CTNND2: variants seen among roughly 807,000 people sequenced by gnomAD.
CTNND2 encodes the protein catenin delta-2.
In CTNND2, 22 loss-of-function variants were observed where a neutral mutation model predicts 144.4. The ratio of observed to expected loss-of-function variants is 0.15; its 90% CI spans 0.11 to 0.22. The LOEUF (loss-of-function observed/expected upper bound fraction) is 0.22, where lower values mean the gene tolerates loss of function less well. Among genes scored for constraint, CTNND2 ranks in the 10% least tolerant of loss-of-function variants. The pLI is 1.00. For missense variants in CTNND2, 1,353 were observed against 1,618.8 expected, an observed-to-expected ratio of 0.84 and a Z score of 2.82; for synonymous variants, 751 against 695.6, an observed-to-expected ratio of 1.08 and a Z score of -1.25.
intron 10 of CTNND2, among the ~76,000 whole-genome samples, chr5:11,219,164 G>A (rs543335080): frequency 2.6e-5 from 4 of 152,274 alleles, no homozygotes; most frequent in East Asian, 1.9e-4. Context: ...CAGATCTCTC[G>A]CTAGAAGTGG....
chr5:11,127,145 G>A (rs1754760165), intron 12 of CTNND2, among the ~76,000 whole-genome samples: 1 of 152,220 alleles, frequency 6.6e-6, no homozygotes. Flanking sequence ...TTTTTACTAA[G>A]CCTGGCATCC....
rs563188998 is a variant in CTNND2, at chr5:11,007,720, C to T, written c.3084+10254G>A. On this transcript the variant is annotated intron_variant, in intron 18 of 21. Coordinates refer to ENST00000304623, the MANE Select transcript of CTNND2 (RefSeq NM_001332.4). ...GTAATTACTGTGGAAGTATTTCCAA[C>T]GAAATGACAGCACTGTGGGATCTCC... is the stretch of plus-strand genomic sequence containing the variant. 8.5e-5 allele frequency among the ~76,000 whole-genome samples: 13 copies of T among 152,298 alleles called. No homozygotes were observed. In the South Asian group the frequency reaches 1.5e-3, roughly 17 times the overall value.
chr5:11,384,526 C>G lies in CTNND2; in HGVS notation c.1177+139G>C. ...GATACTGACTTGTTCCAGGAAAGCC[C>G]TGGCGTTCTCTGTCTCCTGCAACTA... On this transcript the variant is annotated intron_variant, in intron 7 of 21. Coordinates refer to ENST00000304623, the MANE Select transcript of CTNND2 (RefSeq NM_001332.4). This position sits in a 1 kb window ranked among gnomAD's most constrained non-coding sequence, Gnocchi z 5.2. 2 of 715,940 alleles carry G rather than the reference C, an allele frequency of 2.8e-6. No homozygotes were observed. Among genetic ancestry groups the G allele is most frequent in the Non-Finnish European group, 4.5e-6 (2 of 443,104 alleles). The allele number at this position is 715,940 out of a possible 1,614,324, so 44.3% of individuals were successfully genotyped here. A position where few individuals can be genotyped will look rare whatever the true frequency, so the allele number is the denominator to read the frequency against.
chr5:11,457,949 G>A (rs1410161902), intron 3 of CTNND2, among the ~76,000 whole-genome samples: 1 of 152,080 alleles, frequency 6.6e-6, no homozygotes, highest in African/African-American at 2.4e-5. Context: ...ACTTGCATGG[G>A]CTCTGAAGTC....
chr5:11,822,704 G>T (rs945057431), intron 1 of CTNND2, among the ~76,000 whole-genome samples: 1 of 152,140 alleles, frequency 6.6e-6, no homozygotes, highest in Non-Finnish European at 1.5e-5. Flanking sequence ...GACCAGCATG[G>T]CAAGGAAATG....
intron 11 of CTNND2, among the ~76,000 whole-genome samples, chr5:11,161,590 A>G (rs566272908): frequency 2.0e-5 from 3 of 152,362 alleles, no homozygotes; most frequent in African/African-American, 7.2e-5. Flanking sequence ...GTTAATTTTT[A>G]GAGTAAAATA....
intron 3 of CTNND2, among the ~76,000 whole-genome samples, chr5:11,414,053 T>G (rs751276736): frequency 1.1e-4 from 17 of 152,016 alleles, no homozygotes; most frequent in Non-Finnish European, 2.5e-4. Context: ...GGGCCCTAAA[T>G]CCAATTACAC....
chr5:11,196,631 C>A (rs371783878), intron 11 of CTNND2, among the ~76,000 whole-genome samples: 1 of 152,238 alleles, frequency 6.6e-6, no homozygotes, highest in African/African-American at 2.4e-5. Context: ...GTGAAGCCAG[C>A]CTTTCTTCTT....
At chr5:11,199,810 G>A in intron 10 of CTNND2, 149 bp from the exon 11 acceptor site, 1 of 615,914 alleles carries the variant, frequency 1.6e-6, no homozygotes, top group Non-Finnish European at 2.8e-6. Context: ...AAAAATAAGT[G>A]TTTGCTTTAT....
Position 11,876,041 on chromosome 5 carries a change from A to C in CTNND2, c.37+27776T>G, listed in dbSNP as rs187375268. Among the ~76,000 whole-genome samples the C allele has an allele frequency of 3.9e-5, 6 of 152,328 alleles. No homozygotes were observed. The East Asian group carries it at 1.2e-3, about 29-fold the overall frequency. On this transcript the variant is annotated intron_variant, in intron 1 of 21. Coordinates refer to ENST00000304623, the MANE Select transcript of CTNND2 (RefSeq NM_001332.4). ...ATTTTGTAACAGCTATAGCATGACTAAGTAACATTACTAAATGACTCCCAT... is the reference window on the plus strand; with the variant it reads ...ATTTTGTAACAGCTATAGCATGACTCAGTAACATTACTAAATGACTCCCAT...
intron 3 of CTNND2, among the ~76,000 whole-genome samples, chr5:11,421,409 C>T (rs567337062): frequency 1.3e-5 from 2 of 152,266 alleles, no homozygotes; most frequent in African/African-American, 2.4e-5. Flanking sequence ...CTCTGCTTGA[C>T]GCTTACTTTT....
At chr5:11,763,798 C>A (rs7710966) in intron 1 of CTNND2, among the ~76,000 whole-genome samples, 11,592 of 152,076 alleles carry the variant, frequency 0.076, 1,174 homozygotes, top group African/African-American at 0.23. Flanking sequence ...TGATCAGTAG[C>A]TGGTTTCCCT....
At chr5:11,496,367 T>G (rs986880507) in intron 3 of CTNND2, among the ~76,000 whole-genome samples, 2 of 152,180 alleles carry the variant, frequency 1.3e-5, no homozygotes, top group Non-Finnish European at 2.9e-5. Context: ...ACTGAGAACA[T>G]GTTTGGCTTC....
chr5:11,438,686 G>T (rs776694172), intron 3 of CTNND2, among the ~76,000 whole-genome samples: 1 of 152,188 alleles, frequency 6.6e-6, no homozygotes, highest in Non-Finnish European at 1.5e-5. Context: ...AGATTAACAC[G>T]TTCTCTGAAT....
At chr5:11,181,684 T>C (rs1734979681) in intron 11 of CTNND2, among the ~76,000 whole-genome samples, 1 of 151,142 alleles carries the variant, frequency 6.6e-6, no homozygotes, top group Admixed American at 6.6e-5. Flanking sequence ...TGTGTGTGTC[T>C]GTGTGGTGTG....
At chr5:11,686,008 C>T (rs373159020) in intron 2 of CTNND2, among the ~76,000 whole-genome samples, 1 of 152,232 alleles carries the variant, frequency 6.6e-6, no homozygotes, top group African/African-American at 2.4e-5. Context: ...GAATTCAAGA[C>T]CAGCCTGGGC....
intron 13 of CTNND2, among the ~76,000 whole-genome samples, chr5:11,115,080 G>A (rs907191077): frequency 6.6e-6 from 1 of 152,224 alleles, no homozygotes; most frequent in African/African-American, 2.4e-5. Flanking sequence ...GCACTGTCTT[G>A]ATGCCAGCTC....
intron 2 of CTNND2, among the ~76,000 whole-genome samples, chr5:11,587,306 TAAAA>T (rs962500097): frequency 1.3e-5 from 2 of 152,070 alleles, no homozygotes; most frequent in African/African-American, 4.8e-5. Flanking sequence ...GCCTTAAAAA[TAAAA>T]AGATTTCCTA....
At chr5:11,856,194 T>A (rs1274468138) in intron 1 of CTNND2, among the ~76,000 whole-genome samples, 1 of 152,136 alleles carries the variant, frequency 6.6e-6, no homozygotes, top group Admixed American at 6.5e-5. Flanking sequence ...ACAGAAAGAA[T>A]GAACAAAAAT....
Sources: gnomAD v4.1 joint callset for allele counts (sites outside exome capture counted in the v4.1 genomes callset) on GRCh38, gnomAD v4.1.1 for gene constraint, Gnocchi (gnomAD v3.1) non-coding constraint, MANE v1.5 for transcripts, NCBI Gene and HGNC (gene_info 2026-07-23, HGNC 2026-07-21) for gene names.